IL1RAPL1: variants seen among roughly 807,000 people sequenced by gnomAD.
The protein encoded by IL1RAPL1 is interleukin-1 receptor accessory protein-like 1.
IL1RAPL1 carries 3 observed loss-of-function variants against 48.4 expected under a neutral mutation model. That is an observed-to-expected ratio of 0.06 (90% CI 0.03 to 0.16). IL1RAPL1 has a LOEUF of 0.16. Among genes scored for constraint, IL1RAPL1 ranks in the 10% least tolerant of loss-of-function variants. IL1RAPL1 has a pLI of 1.00. For synonymous variants in IL1RAPL1, 185 were observed against 187.7 expected (o/e 0.99, Z 0.12); for missense variants, 349 against 530.6 (o/e 0.66, Z 3.36).
At chrX:29,610,832 T>C (rs1233085038) in intron 5 of IL1RAPL1, among the ~76,000 whole-genome samples, 2 of 112,116 alleles carry the variant, frequency 1.8e-5, no homozygotes, top group Non-Finnish European at 3.8e-5. Flanking sequence ...TAGGGTTGTG[T>C]TACAATTAAT....
chrX:29,389,368 A>C (rs1210616732), intron 3 of IL1RAPL1, among the ~76,000 whole-genome samples: 1 of 109,402 alleles, frequency 9.1e-6, no homozygotes, highest in Admixed American at 9.9e-5. Flanking sequence ...AAAAAAAAAA[A>C]AAAAAAGGTT....
intron 6 of IL1RAPL1, among the ~76,000 whole-genome samples, chrX:29,916,121 T>G (rs1414775541): frequency 3.1e-5 from 3 of 97,806 alleles, no homozygotes; most frequent in South Asian, 5.5e-4. Context: ...GGTGTATATG[T>G]GCCACATTTT....
chrX:28,949,948 A>G (rs1414764177), intron 2 of IL1RAPL1, among the ~76,000 whole-genome samples: 3 of 110,003 alleles, frequency 2.7e-5, no homozygotes, highest in African/African-American at 9.9e-5. Flanking sequence ...GTTTAATTAG[A>G]TCCCATTTGT....
At chrX:29,054,718 G>A (rs1056594821) in intron 2 of IL1RAPL1, among the ~76,000 whole-genome samples, 1 of 112,095 alleles carries the variant, frequency 8.9e-6, no homozygotes, top group African/African-American at 3.2e-5. Context: ...GTCTACATAG[G>A]AACCCAGGGC....
chrX:29,024,380 A>T (rs757660145), intron 2 of IL1RAPL1, among the ~76,000 whole-genome samples: 2 of 112,010 alleles, frequency 1.8e-5, no homozygotes, highest in South Asian at 7.3e-4. Context: ...AAGGAATGTG[A>T]TAGATTGAAT....
At chrX:28,625,966 A>G (rs187698144) in intron 1 of IL1RAPL1, among the ~76,000 whole-genome samples, 1 of 112,214 alleles carries the variant, frequency 8.9e-6, no homozygotes, top group African/African-American at 3.2e-5. Context: ...AAGTCCACAG[A>G]GAATAGTTTA....
intron 2 of IL1RAPL1, among the ~76,000 whole-genome samples, chrX:29,260,540 G>C (rs1240615864): frequency 1.8e-5 from 2 of 111,494 alleles, no homozygotes; most frequent in East Asian, 5.6e-4. Context: ...CCGCCCCTAT[G>C]ATTCAATTAT....
chrX:28,945,925 G>GTGTA (rs1924291033), intron 2 of IL1RAPL1, among the ~76,000 whole-genome samples: 1 of 106,709 alleles, frequency 9.4e-6, no homozygotes. Context: ...GTGTGTGTGT[G>GTGTA]TATACACTCA....
chrX:29,750,560 T>C (rs957934502), intron 6 of IL1RAPL1, among the ~76,000 whole-genome samples: 8 of 112,037 alleles, frequency 7.1e-5, no homozygotes, highest in Non-Finnish European at 1.5e-4. Flanking sequence ...TTTTTGAACT[T>C]GCAAAGGAAT....
rs780497865 is a variant in IL1RAPL1 at position 29,878,870 on chromosome X, C to G, written c.779-38594C>G. Among the ~76,000 whole-genome samples, 317 of 111,456 alleles carry G rather than the reference C, an allele frequency of 2.8e-3. 1 individual carries two copies. The highest frequency in any genetic ancestry group is 0.01 in the African/African-American group (309 of 30,749). Reference sequence around the variant, plus strand: ...TCTTAGATAGTTAACTATACACTTACCATATGACCCAGCAACCTTACTTCT... The same window carrying G: ...TCTTAGATAGTTAACTATACACTTAGCATATGACCCAGCAACCTTACTTCT... On this transcript the variant is annotated intron_variant, in intron 6 of 10. Coordinates refer to ENST00000378993, the MANE Select transcript of IL1RAPL1 (RefSeq NM_014271.4).
chrX:29,367,546 A>C, intron 3 of IL1RAPL1, among the ~76,000 whole-genome samples: 1 of 94,036 alleles, frequency 1.1e-5, no homozygotes. Context: ...AAGGGCTTCT[A>C]TTTATTTTTA....
chrX:28,849,354 A>C (rs1921597809), intron 2 of IL1RAPL1, among the ~76,000 whole-genome samples: 1 of 111,619 alleles, frequency 9.0e-6, no homozygotes, highest in South Asian at 3.7e-4. Context: ...ATTACACGAG[A>C]AGCTGCAAGA....
intron 6 of IL1RAPL1, among the ~76,000 whole-genome samples, chrX:29,757,321 A>G (rs892978931): frequency 6.2e-5 from 7 of 112,376 alleles, no homozygotes; most frequent in Non-Finnish European, 1.1e-4. Flanking sequence ...ATGCCAATAG[A>G]ATTATTAGTT....
chrX:29,519,034 C>A (rs1259804104), intron 5 of IL1RAPL1, among the ~76,000 whole-genome samples: 1 of 111,207 alleles, frequency 9.0e-6, no homozygotes, highest in Non-Finnish European at 1.9e-5. Flanking sequence ...CAGATGTAGG[C>A]TGTGAAAGAA....
At chrX:28,658,536 C>CTT (rs763460152) in intron 1 of IL1RAPL1, among the ~76,000 whole-genome samples, 1 of 102,029 alleles carries the variant, frequency 9.8e-6, no homozygotes, top group African/African-American at 3.5e-5. Flanking sequence ...TAGTTTTTGT[C>CTT]TTTTTTTTTT....
chrX:29,054,133 T>A (rs1049365289), intron 2 of IL1RAPL1, among the ~76,000 whole-genome samples: 2 of 111,249 alleles, frequency 1.8e-5, no homozygotes, highest in African/African-American at 3.3e-5. Flanking sequence ...TCAAATTCTG[T>A]GTAACATATA....
At chrX:29,730,024 T>G (rs755009012) in intron 6 of IL1RAPL1, among the ~76,000 whole-genome samples, 1 of 112,069 alleles carries the variant, frequency 8.9e-6, no homozygotes, top group Non-Finnish European at 1.9e-5. Context: ...CTATACTGAT[T>G]TGTGGGGGAA....
At chrX:29,630,541 C>CT (rs58658010) in intron 5 of IL1RAPL1, among the ~76,000 whole-genome samples, 589 of 97,426 alleles carry the variant, frequency 6.0e-3, no homozygotes, top group African/African-American at 0.015. Context: ...TTTCTCCAGA[C>CT]TTTTTTTTTT....
At chrX:28,898,239 A>G (rs1009544705) in intron 2 of IL1RAPL1, among the ~76,000 whole-genome samples, 1 of 111,908 alleles carries the variant, frequency 8.9e-6, no homozygotes, top group Non-Finnish European at 1.9e-5. Context: ...CTATCTGGAC[A>G]GTGTCCTTTG....
Sources: allele counts gnomAD v4.1 joint callset (sites outside exome capture counted in the v4.1 genomes callset), GRCh38; gene constraint gnomAD v4.1.1; transcripts MANE v1.5; gene names NCBI Gene and HGNC (gene_info 2026-07-23, HGNC 2026-07-21).